PHIP: variants seen among roughly 807,000 people sequenced by gnomAD.
PHIP encodes the protein PHIP subunit of CUL4-Ring ligase complex.
A neutral mutation model predicts 236.8 loss-of-function variants in PHIP; 54 were observed. The ratio of observed to expected loss-of-function variants is 0.23; its 90% CI spans 0.18 to 0.29. The LOEUF (loss-of-function observed/expected upper bound fraction) is 0.29. Among genes scored for constraint, PHIP ranks in the 10% least tolerant of loss-of-function variants. The pLI is 1.00. For synonymous variants in PHIP, 756 were observed against 718.9 expected (o/e 1.05, Z -0.83); for missense variants, 1,370 against 2,190.8 (o/e 0.63, Z 7.48).
intron 38 of PHIP, 100 bp from the exon 39 acceptor site, chr6:78,945,597 C>G (rs1773769437): frequency 1.3e-6 from 1 of 743,762 alleles, no homozygotes; most frequent in African/African-American, 1.8e-5. Flanking sequence ...GACAACAAAA[C>G]CTGAAGGATG....
At chr6:78,950,501 T>C (rs554281068) in intron 35 of PHIP, among the ~76,000 whole-genome samples, 70 of 152,240 alleles carry the variant, frequency 4.6e-4, no homozygotes, top group Non-Finnish European at 9.6e-4. Flanking sequence ...AAACTTATAA[T>C]CACAAATTAA....
intron 15 of PHIP, among the ~76,000 whole-genome samples, chr6:79,008,209 A>G (rs948458904): frequency 7.9e-5 from 12 of 152,066 alleles, no homozygotes; most frequent in Non-Finnish European, 1.6e-4. Flanking sequence ...AAAAATCCAA[A>G]TTCCAACAGT....
intron 24 of PHIP, among the ~76,000 whole-genome samples, chr6:78,973,202 A>G (rs892433418): frequency 1.3e-5 from 2 of 152,130 alleles, no homozygotes; most frequent in African/African-American, 2.4e-5. Context: ...TACAAGCCAG[A>G]AGAGAGTGGG....
chr6:79,028,481 G>C (rs1338631534), intron 7 of PHIP, among the ~76,000 whole-genome samples: 1 of 152,148 alleles, frequency 6.6e-6, no homozygotes, highest in African/African-American at 2.4e-5. Flanking sequence ...GCACATCACT[G>C]ATTATCTGTT....
intron 24 of PHIP, among the ~76,000 whole-genome samples, chr6:78,971,966 T>A (rs1359001788): frequency 6.6e-6 from 1 of 152,126 alleles, no homozygotes; most frequent in Non-Finnish European, 1.5e-5. Flanking sequence ...CGCCCACCAT[T>A]GCCCAGGCTT....
At chr6:79,070,021 A>G (rs1773806757) in intron 4 of PHIP, among the ~76,000 whole-genome samples, 1 of 152,060 alleles carries the variant, frequency 6.6e-6, no homozygotes, top group African/African-American at 2.4e-5. Context: ...ACGCTTCCAA[A>G]TTTTATTCAT....
At chr6:79,016,477 C>G (rs766048248) in intron 13 of PHIP, 67 bp downstream of exon 13, 10 of 889,346 alleles carry the variant, frequency 1.1e-5, no homozygotes, top group Middle Eastern at 2.3e-4. Flanking sequence ...CTGAGAGTCA[C>G]CAACCTGCAC....
chr6:78,959,005 C>G (rs908664650), intron 31 of PHIP, among the ~76,000 whole-genome samples: 2 of 152,020 alleles, frequency 1.3e-5, no homozygotes, highest in African/African-American at 4.8e-5. Flanking sequence ...TAATTTTAAT[C>G]TAATTATCTT....
At chr6:79,006,593 A>G (rs753064587) in intron 15 of PHIP, among the ~76,000 whole-genome samples, 10 of 152,096 alleles carry the variant, frequency 6.6e-5, no homozygotes, top group Non-Finnish European at 1.2e-4. Flanking sequence ...TGAAAGGTAT[A>G]TAAGCCTATC....
In PHIP at chr6:78,937,782, G is replaced by C. The variant is rs1467283787; in HGVS notation, c.*2911C>G. The C allele has an allele frequency of 2.0e-5, 3 of 151,778 alleles. No individual in the cohort carries two copies. The highest frequency in any genetic ancestry group is 4.4e-5 in the Non-Finnish European group (3 of 67,694). The allele number at this position is 151,778 out of a possible 1,614,324, so 9.4% of individuals were successfully genotyped here. On this transcript the variant is annotated 3_prime_UTR_variant, in exon 40 of 40. Transcript: ENST00000275034. The stretch of plus-strand genomic sequence containing the variant: ...AGCTATGTATCTATTGCCCAGGGCT[G>C]TGAGTCTCTGATTAGACTAAATATT...
intron 27 of PHIP, 72 bp from the exon 28 acceptor site, chr6:78,966,128 AC>A: frequency 1.1e-6 from 1 of 878,252 alleles, no homozygotes; most frequent in Admixed American, 1.7e-5. Flanking sequence ...CCTAACGTTA[AC>A]CTTTAAGTAC....
chr6:79,027,525 C>T (rs570389687), intron 7 of PHIP, among the ~76,000 whole-genome samples: 80 of 152,172 alleles, frequency 5.3e-4, no homozygotes, highest in Non-Finnish European at 1.0e-3. Flanking sequence ...TTCATTTATC[C>T]CTTTGTCTTG....
chr6:79,023,559 T>C (rs1042624545), intron 9 of PHIP, among the ~76,000 whole-genome samples: 2 of 152,092 alleles, frequency 1.3e-5, no homozygotes, highest in African/African-American at 4.8e-5. Context: ...AACAACTCTA[T>C]TGAACATAAT....
At chr6:79,045,811 A>C (rs1772456727) in intron 6 of PHIP, among the ~76,000 whole-genome samples, 1 of 152,190 alleles carries the variant, frequency 6.6e-6, no homozygotes, top group South Asian at 2.1e-4. Flanking sequence ...TTAAATCAAG[A>C]AGCATATATG....
chr6:79,060,475 C>A lies in PHIP; in HGVS notation c.439+3G>T. 1 of 1,607,092 alleles carries A rather than the reference C, an allele frequency of 6.2e-7. No individual in the cohort carries two copies. The highest frequency in any genetic ancestry group is 1.1e-5 in the South Asian group (1 of 90,186). ...TAACTACTAGTGAACTCAAACAACT[C>A]ACCAATGCTGGGTGGGCTACCATAG... is the stretch of plus-strand genomic sequence containing the variant. On this transcript the variant is annotated splice_donor_region_variant and intron_variant, in intron 6 of 39. Transcript: ENST00000275034.
intron 24 of PHIP, among the ~76,000 whole-genome samples, chr6:78,972,985 T>C (rs1347817881): frequency 6.6e-6 from 1 of 152,082 alleles, no homozygotes; most frequent in East Asian, 1.9e-4. Context: ...TTCCCCAATC[T>C]AGCAAGGCAG....
At chr6:78,982,831 G>A in intron 23 of PHIP, 55 bp downstream of exon 23, 2 of 1,019,786 alleles carry the variant, frequency 2.0e-6, no homozygotes, top group South Asian at 1.6e-5. Flanking sequence ...TTCAAGATGT[G>A]TGCTTTAAAC....
chr6:79,027,790 A>T (rs1344681533), intron 7 of PHIP, among the ~76,000 whole-genome samples: 1 of 152,142 alleles, frequency 6.6e-6, no homozygotes, highest in Non-Finnish European at 1.5e-5. Flanking sequence ...GCTTGAATAG[A>T]GTCTCACGCA....
chr6:78,989,502 T>C (rs1769078933), intron 20 of PHIP, among the ~76,000 whole-genome samples: 2 of 152,250 alleles, frequency 1.3e-5, no homozygotes, highest in Middle Eastern at 6.8e-3. Flanking sequence ...AAGACTCAAT[T>C]AGACATCCTT....
Sources: allele counts gnomAD v4.1 joint callset (sites outside exome capture counted in the v4.1 genomes callset), GRCh38; gene constraint gnomAD v4.1.1; transcripts MANE v1.5; gene names NCBI Gene and HGNC (gene_info 2026-07-23, HGNC 2026-07-21).